ZNF385D: variants seen among roughly 807,000 people sequenced by gnomAD.
ZNF385D encodes zinc finger protein 385D.
ZNF385D carries 15 observed loss-of-function variants against 35.8 expected under a neutral mutation model. That is an observed-to-expected ratio of 0.42 (90% CI 0.28 to 0.64). The LOEUF (loss-of-function observed/expected upper bound fraction) is 0.64, where lower values mean the gene tolerates loss of function less well. Among genes scored for constraint, ZNF385D ranks in the 30% least tolerant of loss-of-function variants. The probability of loss-of-function intolerance (pLI) is 0.23; values close to 1 mark genes in which losing one functional copy is unlikely to be tolerated. For missense variants in ZNF385D, 474 were observed against 494.6 expected, an observed-to-expected ratio of 0.96 and a Z score of 0.39; for synonymous variants, 212 against 186.8, an observed-to-expected ratio of 1.13 and a Z score of -1.10.
intron 1 of ZNF385D, among the ~76,000 whole-genome samples, chr3:21,721,381 G>T (rs531474887): frequency 1.3e-5 from 2 of 152,008 alleles, no homozygotes; most frequent in South Asian, 2.1e-4. Context: ...TCTCTCGGTG[G>T]TCTAAAATAG....
At chr3:22,282,502 A>C (rs1701809159) in intron 2 of ZNF385D, among the ~76,000 whole-genome samples, 1 of 152,086 alleles carries the variant, frequency 6.6e-6, no homozygotes, top group African/African-American at 2.4e-5. Context: ...AAGATCATTC[A>C]GGAGCAGGTT....
At chr3:22,063,395 TAC>T (rs766183987) in intron 3 of ZNF385D, among the ~76,000 whole-genome samples, 213 of 152,288 alleles carry the variant, frequency 1.4e-3, no homozygotes, top group Non-Finnish European at 9.3e-4. Flanking sequence ...GCCTCAGAGT[TAC>T]AGAGAGCCTA....
intron 3 of ZNF385D, among the ~76,000 whole-genome samples, chr3:22,137,388 A>C (rs1201120572): frequency 1.3e-5 from 2 of 152,174 alleles, no homozygotes; most frequent in African/African-American, 4.8e-5. Flanking sequence ...TTTTAGACCA[A>C]TATCCTTGAT....
At chr3:22,172,284 G>T (rs74475068) in intron 2 of ZNF385D, among the ~76,000 whole-genome samples, 2,362 of 152,274 alleles carry the variant, frequency 0.016, 53 homozygotes, top group South Asian at 0.11. Flanking sequence ...TTGTTTGTGT[G>T]AGTGTGTTTT....
intron 2 of ZNF385D, among the ~76,000 whole-genome samples, chr3:21,620,632 C>G (rs1398537676): frequency 6.6e-6 from 1 of 152,096 alleles, no homozygotes; most frequent in African/African-American, 2.4e-5. Context: ...TCTCAGCCCC[C>G]TAAGGGCATT....
At chr3:21,846,674 A>G (rs1486368) in intron 3 of ZNF385D, among the ~76,000 whole-genome samples, 5,843 of 152,072 alleles carry the variant, frequency 0.038, 388 homozygotes, top group African/African-American at 0.13. Context: ...GAGGTTTTCC[A>G]GAGTCTGATT....
At chr3:21,915,732 A>C (rs779029) in intron 3 of ZNF385D, among the ~76,000 whole-genome samples, 39,672 of 152,020 alleles carry the variant, frequency 0.26, 5,652 homozygotes, top group Admixed American at 0.42. Flanking sequence ...GTAGAATATC[A>C]AGGGTAGGTT....
chr3:21,923,917 C>A (rs1437143333), intron 3 of ZNF385D, among the ~76,000 whole-genome samples: 1 of 152,088 alleles, frequency 6.6e-6, no homozygotes, highest in Non-Finnish European at 1.5e-5. Flanking sequence ...ATGTAACAAA[C>A]CTGCACGTGT....
chr3:22,362,444 G>T (rs1055173809), intron 2 of ZNF385D, among the ~76,000 whole-genome samples: 1 of 151,976 alleles, frequency 6.6e-6, no homozygotes, highest in Non-Finnish European at 1.5e-5. Context: ...AATTTTCTAA[G>T]GTCAAACTCT....
At chr3:21,929,822 C>T (rs1036786741) in intron 3 of ZNF385D, among the ~76,000 whole-genome samples, 1 of 151,926 alleles carries the variant, frequency 6.6e-6, no homozygotes, top group African/African-American at 2.4e-5. Flanking sequence ...AATAGGGAGA[C>T]ATTCTGCGTT....
chr3:22,105,024 C>T (rs185200537), intron 3 of ZNF385D, among the ~76,000 whole-genome samples: 1 of 152,062 alleles, frequency 6.6e-6, no homozygotes, highest in Non-Finnish European at 1.5e-5. Context: ...AAACTGCTAA[C>T]ATGTTTAAAA....
intron 2 of ZNF385D, among the ~76,000 whole-genome samples, chr3:22,228,554 A>G (rs1698699083): frequency 2.0e-5 from 3 of 152,224 alleles, no homozygotes. Context: ...GTGGTCAGTT[A>G]AAATTTAGCT....
At chr3:22,016,573 C>G (rs911128327) in intron 3 of ZNF385D, among the ~76,000 whole-genome samples, 2 of 151,942 alleles carry the variant, frequency 1.3e-5, no homozygotes, top group South Asian at 2.1e-4. Flanking sequence ...TATTTCAGAA[C>G]GGGCATGTGA....
chr3:22,315,005 A>G (rs934579750), intron 2 of ZNF385D, among the ~76,000 whole-genome samples: 2 of 152,186 alleles, frequency 1.3e-5, no homozygotes, highest in Non-Finnish European at 1.5e-5. Flanking sequence ...GAAAGCACCC[A>G]TGTTTATGCA....
At chr3:21,664,820 C>G in intron 2 of ZNF385D, 66 bp downstream of exon 2, 1 of 1,606,162 alleles carries the variant, frequency 6.2e-7, no homozygotes, top group Non-Finnish European at 8.5e-7. Context: ...CCGAACCAAC[C>G]CTGGCCTTTA....
At chr3:22,216,910 G>A (rs1243165886) in intron 2 of ZNF385D, among the ~76,000 whole-genome samples, 3 of 152,094 alleles carry the variant, frequency 2.0e-5, no homozygotes, top group African/African-American at 7.2e-5. Context: ...AAAGTCATAT[G>A]ATGAAGATGA....
Position 22,312,536 on chromosome 3 carries a change from G to T in ZNF385D, c.106+59914C>A, listed in dbSNP as rs534915031. 2.3e-4 allele frequency among the ~76,000 whole-genome samples: 35 copies of T among 151,838 alleles called. No homozygotes were observed. In the South Asian group the frequency reaches 4.8e-3, roughly 21 times the overall value. On this transcript the variant is annotated intron_variant, in intron 2 of 5. Transcript: ENST00000494108. ...AGGGCTAATATCCAGAATCTACAAT[G>T]AACTCAAACAAATTTACAAGAAAAA...
chr3:21,770,495 C>T (rs369747382), intron 3 of ZNF385D, among the ~76,000 whole-genome samples: 5 of 152,178 alleles, frequency 3.3e-5, no homozygotes, highest in South Asian at 4.2e-4. Flanking sequence ...AAAATGCTCA[C>T]CATCACTGGC....
intron 2 of ZNF385D, among the ~76,000 whole-genome samples, chr3:22,209,058 T>A: frequency 6.6e-6 from 1 of 151,834 alleles, no homozygotes; most frequent in East Asian, 1.9e-4. Context: ...TCACTGAAAA[T>A]TGTATTACAG....
Sources: gnomAD v4.1 joint callset for allele counts (sites outside exome capture counted in the v4.1 genomes callset) on GRCh38, gnomAD v4.1.1 for gene constraint, MANE v1.5 for transcripts, NCBI Gene and HGNC (gene_info 2026-07-23, HGNC 2026-07-21) for gene names.